ALG12: variants seen among roughly 807,000 people sequenced by gnomAD.
ALG12 encodes the protein dol-P-Man:Man(7)GlcNAc(2)-PP-Dol alpha-1,6-mannosyltransferase.
ALG12 carries 36 observed loss-of-function variants against 46.0 expected under a neutral mutation model. The ratio of observed to expected loss-of-function variants is 0.78; its 90% CI spans 0.60 to 1.03. The LOEUF (loss-of-function observed/expected upper bound fraction) is 1.03, where lower values mean the gene tolerates loss of function less well. Ranked by LOEUF, ALG12 falls within the 50% of genes least tolerant of loss-of-function variation. The pLI, the probability that ALG12 is intolerant of heterozygous loss-of-function variation, is 0.00. For synonymous variants in ALG12, 326 were observed against 291.6 expected (o/e 1.12, Z -1.20); for missense variants, 599 against 633.5 (o/e 0.95, Z 0.58).
intron 3 of ALG12, among the ~76,000 whole-genome samples, chr22:49,912,021 ACGGGATCACCCTCGGCCC>A (rs2060579999): frequency 1.6e-5 from 2 of 125,840 alleles, no homozygotes; most frequent in Non-Finnish European, 3.3e-5. Context: ...AGCCTCGGCC[ACGGGATCACCCTCGGCCC>A]CGGGATCAGC....
At chr22:49,873,899 A>G in the ALG12 span, among the ~76,000 whole-genome samples, 8 of 152,232 alleles carry the variant, frequency 5.3e-5, no homozygotes, top group African/African-American at 1.9e-4. Flanking sequence ...GAATGAGAAC[A>G]TAAGGGCTGG....
chr22:49,871,527 A>G, the ALG12 span, among the ~76,000 whole-genome samples: 1 of 152,072 alleles, frequency 6.6e-6, no homozygotes, highest in Non-Finnish European at 1.5e-5. Context: ...GTAGTCTGGT[A>G]AGCGTGCAAT....
At chr22:49,889,950 G>A in the ALG12 span, 1 of 167,046 alleles carries the variant, frequency 6.0e-6, no homozygotes, top group African/African-American at 2.4e-5. Flanking sequence ...AAAGCTCTTT[G>A]TATGAGCCTC....
In ALG12 at chr22:49,910,046, C is replaced by A; in HGVS notation, c.512G>T (p.Arg171Leu). Residue 171 changes from arginine (R) to leucine (L), a missense_variant, in exon 5 of 10, where the codon CGC (arginine) becomes CTC (leucine). Coordinates refer to ENST00000330817, the MANE Select transcript of ALG12 (RefSeq NM_024105.4). ...GGCGAAGGCTGACAGCCAGATGAAG[C>A]GGGCCCACTCGTGCCGCAGCCAGGC... Reference protein sequence around the residue: ...LAAWLRHEWARFIWLSAFAII... With the variant: ...LAAWLRHEWALFIWLSAFAII... 6.2e-7 allele frequency: 1 copy of A among 1,612,730 alleles called. No individual in the cohort carries two copies.
At chr22:49,863,350 C>G in the ALG12 span, among the ~76,000 whole-genome samples, 8 of 151,498 alleles carry the variant, frequency 5.3e-5, no homozygotes, top group Non-Finnish European at 1.0e-4. Context: ...TTTTGTAGGC[C>G]GGGTGTGGTG....
At chr22:49,860,809 T>G in the ALG12 span, among the ~76,000 whole-genome samples, 2 of 151,380 alleles carry the variant, frequency 1.3e-5, no homozygotes, top group East Asian at 3.9e-4. Flanking sequence ...GACAGAGTCT[T>G]GCTCTGTTGC....
chr22:49,894,287 AAG>A, the ALG12 span, among the ~76,000 whole-genome samples: 7 of 152,272 alleles, frequency 4.6e-5, no homozygotes, highest in African/African-American at 1.7e-4. Context: ...GAAGGTAAGA[AAG>A]GAAAAATAAC....
intron 3 of ALG12, among the ~76,000 whole-genome samples, chr22:49,912,319 TCCAGCTGGAGTCCAC>T (rs2060583162): frequency 6.6e-6 from 1 of 152,226 alleles, no homozygotes; most frequent in Non-Finnish European, 1.5e-5. Flanking sequence ...CAAGGTTCTG[TCCAGCTGGAGTCCAC>T]CCAGCTCTGC....
the ALG12 span, chr22:49,885,885 T>G: frequency 2.5e-6 from 3 of 1,192,216 alleles, no homozygotes; most frequent in Non-Finnish European, 3.7e-6. Context: ...ACCAGACCCG[T>G]GAGTACCTGA....
chr22:49,883,716 TAAAATA>T, the ALG12 span: 2 of 1,606,844 alleles, frequency 1.2e-6, no homozygotes, highest in Non-Finnish European at 1.7e-6. Flanking sequence ...TCGTTTCTGA[TAAAATA>T]AAGTTTAAAA....
At chr22:49,914,700 G>A (rs1008789489) in intron 1 of ALG12, among the ~76,000 whole-genome samples, 2 of 152,228 alleles carry the variant, frequency 1.3e-5, no homozygotes. Context: ...AGCAAAGGGA[G>A]AGAGAACCCC....
the ALG12 span, among the ~76,000 whole-genome samples, chr22:49,881,486 A>G: frequency 2.0e-5 from 3 of 152,312 alleles, no homozygotes; most frequent in South Asian, 4.1e-4. Flanking sequence ...TTTGGGTTCA[A>G]ATCATCATGT....
chr22:49,918,195 C>G (rs1898390802), intron 1 of ALG12, 68 bp downstream of exon 1: 1 of 152,396 alleles, frequency 6.6e-6, no homozygotes, highest in Admixed American at 6.5e-5. Context: ...GTCGCGCCCT[C>G]GCCCGCCTCC....
the ALG12 span, among the ~76,000 whole-genome samples, chr22:49,892,204 A>AAAAAAC: frequency 6.6e-6 from 1 of 151,870 alleles, no homozygotes; most frequent in African/African-American, 2.4e-5. Context: ...AAAAAAAAAA[A>AAAAAAC]AAAAAAAACT....
the ALG12 span, among the ~76,000 whole-genome samples, chr22:49,864,839 A>AAAAAAAAAAAAAAAAG: frequency 7.5e-6 from 1 of 133,112 alleles, no homozygotes; most frequent in African/African-American, 3.7e-5. Flanking sequence ...AAAAAAAAAA[A>AAAAAAAAAAAAAAAAG]GCCCTGATTA....
the ALG12 span, among the ~76,000 whole-genome samples, chr22:49,871,765 T>TTATTTA: frequency 4.7e-3 from 688 of 147,156 alleles, 10 homozygotes; most frequent in South Asian, 0.058. Context: ...TTATTTTTTT[T>TTATTTA]TTTTTTTGAG....
the ALG12 span, among the ~76,000 whole-genome samples, chr22:49,876,878 A>G: frequency 1.3e-5 from 2 of 152,236 alleles, no homozygotes; most frequent in Non-Finnish European, 2.9e-5. Context: ...CAGAAGACAC[A>G]GCGTTCCCAC....
the ALG12 span, chr22:49,889,002 C>T: frequency 6.0e-6 from 1 of 167,202 alleles, no homozygotes; most frequent in South Asian, 2.1e-4. Context: ...ATGGTAATAT[C>T]CTTAGAATTT....
chr22:49,878,182 G>A, the ALG12 span, among the ~76,000 whole-genome samples: 1 of 151,430 alleles, frequency 6.6e-6, no homozygotes, highest in Admixed American at 6.6e-5. Flanking sequence ...ACAGGCACCT[G>A]TAATTCCAGC....
Sources: gnomAD v4.1 joint callset for allele counts (sites outside exome capture counted in the v4.1 genomes callset) on GRCh38, gnomAD v4.1.1 for gene constraint, MANE v1.5 for transcripts, NCBI Gene and HGNC (gene_info 2026-07-23, HGNC 2026-07-21) for gene names.